The following LDHD variants were observed in gnomAD, a reference collection of about 807,000 sequenced individuals.
LDHD encodes lactate dehydrogenase D, also known as D-lactate dehydrogenase, mitochondrial.
In LDHD, 58 loss-of-function variants were observed where a neutral mutation model predicts 52.9. The observed-to-expected ratio is 1.10, with a 90% confidence interval of 0.89 to 1.36. The LOEUF (loss-of-function observed/expected upper bound fraction) is 1.36, where lower values mean the gene tolerates loss of function less well. Ranked by LOEUF, LDHD falls within the 40% of genes most tolerant of loss-of-function variation. The probability of loss-of-function intolerance (pLI) is 0.00; values close to 1 mark genes in which losing one functional copy is unlikely to be tolerated. For missense variants in LDHD, 747 were observed against 668.0 expected (o/e 1.12, Z -1.30); for synonymous variants, 350 against 288.6 (o/e 1.21, Z -2.16).
chr16:75,113,609 C>CGGCCTCCTT lies in LDHD; in HGVS notation c.1003_1011dup (p.Lys335_Ala337dup), dbSNP rs765538186. The CGGCCTCCTT allele has an allele frequency of 2.0e-5, 32 of 1,613,118 alleles. 1 individual carries two copies. The South Asian group carries it at 3.4e-4, about 17-fold the overall frequency. On this transcript the variant is annotated inframe_insertion, in exon 8 of 11. Coordinates refer to ENST00000450168, the MANE Select transcript of LDHD (RefSeq NM_194436.3). Reference sequence around the variant, plus strand: ...GCTGTCCAAAGCCGGCTGCGCTCCTCGGCCTCCTTGGCCCAGGAGAAGTCA... The same window carrying CGGCCTCCTT: ...GCTGTCCAAAGCCGGCTGCGCTCCTCGGCCTCCTTGGCCTCCTTGGCCCAGGAGAAGTCA...
Position 75,112,273 on chromosome 16 carries a change from C to T in LDHD, c.*83G>A. On this transcript the variant is annotated 3_prime_UTR_variant, in exon 11 of 11. Transcript: ENST00000450168. ...GGAAGACTGCCTCAGCATCTATTTC[C>T]TTGCAGGGGCCGTGGCATGAAGAAA... 6.8e-7 allele frequency: 1 copy of T among 1,478,766 alleles called. No individual in the cohort carries two copies. The highest frequency in any genetic ancestry group is 2.3e-5 in the East Asian group (1 of 43,778). 91.6% of individuals were successfully genotyped at this position (1,478,766 alleles called of 1,614,324 possible). A position where few individuals can be genotyped will look rare whatever the true frequency, so the allele number is the denominator to read the frequency against.
Position 75,113,806 on chromosome 16 carries a change from C to T in LDHD, c.894G>A (p.Ala298=), listed in dbSNP as rs751874307. 3.7e-5 allele frequency: 60 copies of T among 1,614,056 alleles called. No individual in the cohort carries two copies. The highest frequency in any genetic ancestry group is 8.8e-5 in the South Asian group (8 of 91,090). Residue 298 remains alanine (A), a synonymous_variant, in exon 7 of 11, where the codon GCG becomes GCA. Transcript: ENST00000450168. The stretch of plus-strand genomic sequence containing the variant: ...CATGGAACTCCAGGAAGAGTGTGGG[C>T]GCCACTAAGCAATTCAGCTTGCTGT... The part of the protein sequence containing the change: ...NRYSKLNCLV[A]PTLFLEFHGS...
Position 75,113,617 on chromosome 16 carries a change from T to C in LDHD, c.1004A>G (p.Lys335Arg). 7 of 1,613,228 alleles carry C rather than the reference T, an allele frequency of 4.3e-6. No homozygotes were observed. Among genetic ancestry groups the C allele is most frequent in the Non-Finnish European group, 5.1e-6 (6 of 1,179,988 alleles). Residue 335 changes from lysine (K) to arginine (R), a missense_variant, in exon 8 of 11, where the codon AAG (lysine) becomes AGG (arginine). Physicochemically the swap from Lys to Arg is conservative, Grantham distance 26. Coordinates refer to ENST00000450168, the MANE Select transcript of LDHD (RefSeq NM_194436.3). ...AAGCCGGCTGCGCTCCTCGGCCTCC[T>C]TGGCCCAGGAGAAGTCAGAGGCTCC... ...QNGASDFSWA[K>R]EAEERSRLWT...
At chr16:75,115,437 T>G (rs2036527921) in intron 2 of LDHD, 98 bp from the exon 3 acceptor site, 1 of 1,591,950 alleles carries the variant, frequency 6.3e-7, no homozygotes, top group Middle Eastern at 1.7e-4. Flanking sequence ...GCAGAGAACA[T>G]GCCAGAGCAC....
chr16:75,113,340 A>G (rs2036452100), intron 8 of LDHD, among the ~76,000 whole-genome samples, 195 bp downstream of exon 8: 2 of 152,162 alleles, frequency 1.3e-5, no homozygotes. Context: ...TTAGCAGACA[A>G]CTGTGCTTTC....
intron 1 of LDHD, 82 bp from the exon 2 acceptor site, chr16:75,115,742 G>T: frequency 1.1e-6 from 1 of 872,674 alleles, no homozygotes; most frequent in Non-Finnish European, 1.7e-6. Flanking sequence ...GGGGAGGGCT[G>T]GGGGCTGGAG....
rs2036509346 is a variant in LDHD at position 75,114,890 on chromosome 16, G to C, written c.406C>G (p.Pro136Ala). The C allele has an allele frequency of 6.2e-7, 1 of 1,614,042 alleles. No individual in the cohort carries two copies. Among genetic ancestry groups the C allele is most frequent in the Non-Finnish European group, 8.5e-7 (1 of 1,180,004 alleles). Residue 136 changes from proline to alanine, a missense_variant, in exon 4 of 11, where the codon CCA becomes GCA. Transcript: ENST00000450168. ...NQEDFSVVVE[P>A]GVTRKALNAH... The stretch of plus-strand genomic sequence containing the variant: ...TTGAGGGCTTTGCGGGTGACACCTG[G>C]CTCCACCACCACAGAGAAGTCCTCC...
Position 75,112,930 on chromosome 16 carries a change from C to T in LDHD, c.1087-6G>A. Reference sequence around the variant, plus strand: ...CACACATCCGTGGAGTAGCCCTGGTCAGAGGGAAGCCTATGAGTTACCCCT... The same window carrying T: ...CACACATCCGTGGAGTAGCCCTGGTTAGAGGGAAGCCTATGAGTTACCCCT... On this transcript the variant is annotated splice_region_variant and splice_polypyrimidine_tract_variant and intron_variant, in intron 8 of 10. Coordinates refer to ENST00000450168, the MANE Select transcript of LDHD (RefSeq NM_194436.3). 1 of 1,607,564 alleles carries T rather than the reference C, an allele frequency of 6.2e-7. No homozygotes were observed. The highest frequency in any genetic ancestry group is 8.5e-7 in the Non-Finnish European group (1 of 1,178,126).
In LDHD at chr16:75,116,753, G is replaced by T. The variant is rs766765334; in HGVS notation, c.-33C>A. On this transcript the variant is annotated 5_prime_UTR_variant, in exon 1 of 11. Transcript: ENST00000450168. ...CACTGGCCAGAGGGTGTGAGCACTG[G>T]GTGGCAGGGTGACCAGTCAGCTACT... The T allele has an allele frequency of 4.1e-6, 6 of 1,449,952 alleles. No homozygotes were observed. In the African/African-American group the frequency reaches 7.2e-5, roughly 18 times the overall value. 89.8% of individuals were successfully genotyped at this position (1,449,952 alleles called of 1,614,324 possible).
Position 75,113,565 on chromosome 16 carries a change from G to A in LDHD, c.1056C>T (p.Tyr352=), listed in dbSNP as rs144493844. The change falls in exon 8 of 11, where the codon TAC becomes TAT. Residue 352 remains tyrosine, a synonymous_variant. Transcript: ENST00000450168. ...AGCCTGGCCGCGTGGCCAGGGCTGC[G>A]TACCAGGCATTGTGCCGTGCTGTCC... ...RLWTARHNAW[Y]AALATRPGCK... is the part of the protein sequence containing the mutation. The A allele has an allele frequency of 3.3e-4, 530 of 1,612,624 alleles. 1 individual carries two copies. Among genetic ancestry groups the A allele is most frequent in the Non-Finnish European group, 3.9e-4 (466 of 1,179,792 alleles).
Position 75,114,185 on chromosome 16 carries a change from A to C in LDHD, c.630-20T>G, listed in dbSNP as rs777018374. ...CTCTTCCTACGTCCCAGGGACACAC[A>C]AGGTGAGTACCAGGCTGTGTGATGA... On this transcript the variant is annotated intron_variant, in intron 5 of 10. Transcript: ENST00000450168. 6.2e-7 allele frequency: 1 copy of C among 1,610,856 alleles called. No homozygotes were observed. Among genetic ancestry groups the C allele is most frequent in the Admixed American group, 1.7e-5 (1 of 60,020 alleles).
Position 75,114,091 on chromosome 16 carries a change from G to A in LDHD, c.704C>T (p.Thr235Ile), listed in dbSNP as rs1360556723. The A allele has an allele frequency of 1.2e-6, 2 of 1,611,824 alleles. No individual in the cohort carries two copies. Among genetic ancestry groups the A allele is most frequent in the South Asian group, 1.1e-5 (1 of 91,084 alleles). ...SEGTLGLITA[T>I]TLRLHPAPEA... ...AGGGGCAGGGTGCAGGCGCAGGGTG[G>A]TGGCTGTGATGAGGCCCAGCGTCCC... Residue 235 changes from threonine (T) to isoleucine (I), a missense_variant, in exon 6 of 11, where the codon ACC (threonine) becomes ATC (isoleucine). Coordinates refer to ENST00000450168, the MANE Select transcript of LDHD (RefSeq NM_194436.3).
chr16:75,111,976 A>C lies in LDHD; in HGVS notation c.*380T>G. On this transcript the variant is annotated 3_prime_UTR_variant, in exon 11 of 11. Transcript: ENST00000450168. ...ATACCAGGAAAGGAGTGTTCCTGTC[A>C]CCAGGTGAAGGGGGAAGGGTCCTGG... 5.1e-6 allele frequency: 1 copy of C among 196,572 alleles called. No homozygotes were observed. The highest frequency in any genetic ancestry group is 1.0e-5 in the Non-Finnish European group (1 of 96,750). 12.2% of individuals were successfully genotyped at this position (196,572 alleles called of 1,614,324 possible).
intron 4 of LDHD, 39 bp downstream of exon 4, chr16:75,114,788 G>A: frequency 6.3e-7 from 1 of 1,598,676 alleles, no homozygotes; most frequent in Non-Finnish European, 8.5e-7. Context: ...CTGCTCCCAC[G>A]GTGCCCTCAG....
chr16:75,112,492 G>T lies in LDHD; in HGVS notation c.1319C>A (p.Thr440Lys). Residue 440 changes from threonine to lysine, a missense_variant, in exon 11 of 11, where the codon ACG (threonine) becomes AAG (lysine). Coordinates refer to ENST00000450168, the MANE Select transcript of LDHD (RefSeq NM_194436.3). ...RRALALHGTC[T>K]GEHGIGMGKR... ...GCCCATTCCGATGCCATGCTCCCCCGTGCACGTTCCGTGGAGAGCCAGTGC... is the reference window on the plus strand; with the variant it reads ...GCCCATTCCGATGCCATGCTCCCCCTTGCACGTTCCGTGGAGAGCCAGTGC... 3 of 1,613,370 alleles carry T rather than the reference G, an allele frequency of 1.9e-6. No individual in the cohort carries two copies. Among genetic ancestry groups the T allele is most frequent in the Non-Finnish European group, 1.7e-6 (2 of 1,179,982 alleles).
chr16:75,115,176 G>A lies in LDHD; in HGVS notation c.327+22C>T, dbSNP rs1261570397. ...GGTGTGCTGGGACCATCCTCGGGCC[G>A]GGCGAGGGAGCCCCACTGTACCTGC... On this transcript the variant is annotated intron_variant, in intron 3 of 10. Coordinates refer to ENST00000450168, the MANE Select transcript of LDHD (RefSeq NM_194436.3). The A allele has an allele frequency of 5.0e-6, 8 of 1,604,606 alleles. No homozygotes were observed. In the Admixed American group the frequency reaches 1.2e-4, roughly 23 times the overall value.
rs1319297915 is a variant in LDHD, at chr16:75,112,584, C to T, written c.1289+18G>A. ...TTCCTCTGCCCTCAGCTCTTCCCCT[C>T]CCTGGCTTTGCTCCTACCTGCCCAG... On this transcript the variant is annotated intron_variant, in intron 10 of 10. Transcript: ENST00000450168. 6.2e-7 allele frequency: 1 copy of T among 1,613,830 alleles called. No homozygotes were observed. The highest frequency in any genetic ancestry group is 1.3e-5 in the African/African-American group (1 of 74,950).
chr16:75,114,316 TGCTCCACAAA>T, intron 5 of LDHD, 151 bp from the exon 6 acceptor site: 1 of 1,502,556 alleles, frequency 6.7e-7, no homozygotes. Context: ...CAGTGCTTTC[TGCTCCACAAA>T]GCCAGTCGGC....
chr16:75,112,281 G>T lies in LDHD; in HGVS notation c.*75C>A. ...GCCTCAGCATCTATTTCCTTGCAGG[G>T]GCCGTGGCATGAAGAAAAGTTCCAG... On this transcript the variant is annotated 3_prime_UTR_variant, in exon 11 of 11. Coordinates refer to ENST00000450168, the MANE Select transcript of LDHD (RefSeq NM_194436.3). 1 of 1,494,762 alleles carries T rather than the reference G, an allele frequency of 6.7e-7. No homozygotes were observed. Among genetic ancestry groups the T allele is most frequent in the Non-Finnish European group, 9.1e-7 (1 of 1,098,920 alleles). 92.6% of individuals were successfully genotyped at this position (1,494,762 alleles called of 1,614,324 possible).
Sources: gnomAD v4.1 joint callset for allele counts (sites outside exome capture counted in the v4.1 genomes callset) on GRCh38, gnomAD v4.1.1 for gene constraint, MANE v1.5 for transcripts, NCBI Gene and HGNC (gene_info 2026-07-23, HGNC 2026-07-21) for gene names.